TRIM24: variants seen among roughly 807,000 people sequenced by gnomAD.
TRIM24 encodes transcription intermediary factor 1-alpha.
TRIM24 carries 29 observed loss-of-function variants against 123.9 expected under a neutral mutation model. That is an observed-to-expected ratio of 0.23 (90% CI 0.17 to 0.32). The LOEUF is 0.32. TRIM24 is among the 10% of genes least tolerant of loss of function. The probability of loss-of-function intolerance (pLI) is 1.00; values close to 1 mark genes in which losing one functional copy is unlikely to be tolerated. For missense variants in TRIM24, 932 were observed against 1,295.3 expected, an observed-to-expected ratio of 0.72 and a Z score of 4.31; for synonymous variants, 456 against 461.1, an observed-to-expected ratio of 0.99 and a Z score of 0.14.
chr7:138,520,590 T>G (rs1409192718), intron 4 of TRIM24, among the ~76,000 whole-genome samples: 4 of 152,112 alleles, frequency 2.6e-5, no homozygotes, highest in Admixed American at 2.0e-4. Flanking sequence ...CTTGGGAGAC[T>G]GAGGTGGGAG....
intron 1 of TRIM24, among the ~76,000 whole-genome samples, chr7:138,470,183 T>C (rs1482744632): frequency 7.3e-6 from 1 of 136,092 alleles, no homozygotes; most frequent in African/African-American, 2.8e-5. Context: ...CAGGCTGGAG[T>C]GCAGTGGTGT....
chr7:138,511,642 A>C (rs1291966469), intron 2 of TRIM24, among the ~76,000 whole-genome samples: 1 of 152,114 alleles, frequency 6.6e-6, no homozygotes, highest in East Asian at 1.9e-4. Context: ...CTACCATGAG[A>C]ACAGCACCAA....
intron 5 of TRIM24, among the ~76,000 whole-genome samples, chr7:138,525,798 A>G (rs1390719591): frequency 6.6e-6 from 1 of 152,328 alleles, no homozygotes; most frequent in Non-Finnish European, 1.5e-5. Flanking sequence ...TTAAGACACT[A>G]GGATACAGGG....
intron 17 of TRIM24, 44 bp downstream of exon 17, chr7:138,581,815 CT>C (rs763154226): frequency 2.0e-6 from 3 of 1,463,770 alleles, no homozygotes; most frequent in South Asian, 2.4e-5. Context: ...CAGTGGAATG[CT>C]TTTCTGGAAT....
Position 138,504,389 on chromosome 7 carries a change from C to A in TRIM24, c.464C>A (p.Thr155Lys). 2 of 1,524,086 alleles carry A rather than the reference C, an allele frequency of 1.3e-6. No homozygotes were observed. The highest frequency in any genetic ancestry group is 1.8e-6 in the Non-Finnish European group (2 of 1,134,516). 94.4% of individuals were successfully genotyped at this position (1,524,086 alleles called of 1,614,324 possible). The change falls in exon 2 of 19, where the codon ACA (threonine) becomes AAA (lysine). Residue 155 changes from threonine (T) to lysine (K), a missense_variant. Thr to Lys is a moderately conservative substitution (Grantham distance 78). Around this residue, in one of 7 missense-constraint regions of TRIM24, gnomAD observed 74 missense variants for 163.6 expected, o/e 0.45. Transcript: ENST00000343526. ...VKDTTEVPSS[T>K]VEKSNQVCTS... ...GACACTACTGAGGTTCCCAGCAGTACAGTAGAAAAGTCAAATCAGGTAAGT... is the reference window on the plus strand; with the variant it reads ...GACACTACTGAGGTTCCCAGCAGTAAAGTAGAAAAGTCAAATCAGGTAAGT...
At chr7:138,579,938 G>C (rs1182345674) in intron 15 of TRIM24, among the ~76,000 whole-genome samples, 1 of 149,994 alleles carries the variant, frequency 6.7e-6, no homozygotes, top group Non-Finnish European at 1.5e-5. Context: ...ATTACAAAAA[G>C]AAAAAAAAAT....
At chr7:138,463,989 C>CTTTTT (rs568562414) in intron 1 of TRIM24, among the ~76,000 whole-genome samples, 1,129 of 50,678 alleles carry the variant, frequency 0.022, 377 homozygotes, top group Middle Eastern at 0.054. Flanking sequence ...AAAATTTAGA[C>CTTTTT]TTTTTTTTTT....
At chr7:138,514,952 CATA>C (rs1796365872) in intron 2 of TRIM24, 3 of 323,180 alleles carry the variant, frequency 9.3e-6, no homozygotes, top group Non-Finnish European at 1.7e-5. Flanking sequence ...TCACACCTAG[CATA>C]ATGTTTGGGA....
chr7:138,500,910 C>T (rs149851902), intron 1 of TRIM24, among the ~76,000 whole-genome samples: 157 of 151,666 alleles, frequency 1.0e-3, no homozygotes, highest in Middle Eastern at 6.8e-3. Flanking sequence ...ATCTGTAACG[C>T]AATGGTATTT....
At position 138,589,307 on chromosome 7, in the gene TRIM24, C is replaced by G. The variant is rs373778713; in HGVS notation, c.*4356C>G. 1.3e-5 allele frequency: 2 copies of G among 152,046 alleles called. No individual in the cohort carries two copies. Among genetic ancestry groups the G allele is most frequent in the Non-Finnish European group, 2.9e-5 (2 of 67,998 alleles). 9.4% of individuals were successfully genotyped at this position (152,046 alleles called of 1,614,324 possible). On this transcript the variant is annotated 3_prime_UTR_variant, in exon 19 of 19. Transcript: ENST00000343526. The stretch of plus-strand genomic sequence containing the variant: ...GAGGGACATCTGAGGCAGTAGTCTT[C>G]GTCTTTAATTTTTGGGGGCAGATTG...
intron 7 of TRIM24, among the ~76,000 whole-genome samples, chr7:138,543,869 C>T (rs921102288): frequency 3.9e-5 from 6 of 152,126 alleles, no homozygotes; most frequent in African/African-American, 1.4e-4. Flanking sequence ...GGGTCTCCCT[C>T]TATCGCCTAG....
chr7:138,489,873 A>G (rs1440591826), intron 1 of TRIM24, among the ~76,000 whole-genome samples: 2 of 152,014 alleles, frequency 1.3e-5, no homozygotes, highest in East Asian at 3.9e-4. Flanking sequence ...TGTTCTCTGT[A>G]TTTCCTGAAT....
intron 9 of TRIM24, among the ~76,000 whole-genome samples, chr7:138,564,194 C>T (rs918241191): frequency 6.6e-6 from 1 of 152,158 alleles, no homozygotes; most frequent in African/African-American, 2.4e-5. Context: ...CCGTTGCCCC[C>T]CTTGGACTTG....
intron 1 of TRIM24, among the ~76,000 whole-genome samples, chr7:138,487,312 T>TA (rs1425838174): frequency 6.6e-6 from 1 of 152,252 alleles, no homozygotes; most frequent in Non-Finnish European, 1.5e-5. Flanking sequence ...CCTCTTTTGC[T>TA]AATTGAATAC....
chr7:138,531,101 G>A (rs535688648), intron 6 of TRIM24, among the ~76,000 whole-genome samples: 3 of 151,192 alleles, frequency 2.0e-5, no homozygotes, highest in South Asian at 2.1e-4. Flanking sequence ...ACTACAGGGC[G>A]TGTGCTGCCA....
intron 7 of TRIM24, among the ~76,000 whole-genome samples, chr7:138,544,720 G>A (rs1327176569): frequency 6.6e-6 from 1 of 152,204 alleles, no homozygotes; most frequent in Admixed American, 6.5e-5. Context: ...ACAGGTATGA[G>A]ATGATAGCTC....
At chr7:138,463,885 T>TA (rs1795068036) in intron 1 of TRIM24, among the ~76,000 whole-genome samples, 1 of 151,636 alleles carries the variant, frequency 6.6e-6, no homozygotes, top group Non-Finnish European at 1.5e-5. Flanking sequence ...AAGTTATCTT[T>TA]AAAAAATTAA....
intron 1 of TRIM24, among the ~76,000 whole-genome samples, chr7:138,476,440 A>G (rs1795401625): frequency 6.6e-6 from 1 of 151,778 alleles, no homozygotes; most frequent in African/African-American, 2.4e-5. Flanking sequence ...TAAAAATACA[A>G]AAATTAGCCG....
At chr7:138,480,477 C>T (rs1795502511) in intron 1 of TRIM24, among the ~76,000 whole-genome samples, 1 of 151,936 alleles carries the variant, frequency 6.6e-6, no homozygotes, top group Non-Finnish European at 1.5e-5. Context: ...ACAAATATAC[C>T]ACAATTAAAT....
Sources: allele counts gnomAD v4.1 joint callset (sites outside exome capture counted in the v4.1 genomes callset), GRCh38; gene constraint gnomAD v4.1.1; regional missense constraint gnomAD v4.1.1; transcripts MANE v1.5; gene names NCBI Gene and HGNC (gene_info 2026-07-23, HGNC 2026-07-21).